ZSWIM5: variants seen among roughly 807,000 people sequenced by gnomAD.
ZSWIM5 encodes zinc finger SWIM-type containing 5.
In ZSWIM5, 55 loss-of-function variants were observed where a neutral mutation model predicts 119.6. The ratio of observed to expected loss-of-function variants is 0.46; its 90% CI spans 0.37 to 0.58. The LOEUF (loss-of-function observed/expected upper bound fraction) is 0.58, where lower values mean the gene tolerates loss of function less well. ZSWIM5 is among the 20% of genes least tolerant of loss of function. ZSWIM5 has a pLI of 0.00. For missense variants in ZSWIM5, 1,193 were observed against 1,512.8 expected, an observed-to-expected ratio of 0.79 and a Z score of 3.51; for synonymous variants, 537 against 606.9, an observed-to-expected ratio of 0.88 and a Z score of 1.69.
chr1:45,082,236 C>G (rs996757597), intron 2 of ZSWIM5, among the ~76,000 whole-genome samples: 1 of 151,014 alleles, frequency 6.6e-6, no homozygotes, highest in Non-Finnish European at 1.5e-5. Flanking sequence ...GACCTTTGTT[C>G]ACTTGTTTAT....
chr1:45,131,234 T>C (rs1645654684), intron 1 of ZSWIM5, among the ~76,000 whole-genome samples: 1 of 152,208 alleles, frequency 6.6e-6, no homozygotes, highest in Admixed American at 6.5e-5. Context: ...GGTGTTATCA[T>C]TGGGGGAAAT....
chr1:45,043,439 G>A, intron 5 of ZSWIM5, 44 bp from the exon 6 acceptor site: 4 of 1,598,298 alleles, frequency 2.5e-6, no homozygotes, highest in African/African-American at 1.3e-5. Context: ...CAGGCAATTT[G>A]AAGTTTTAAG....
chr1:45,156,180 T>C (rs1294968813), intron 1 of ZSWIM5, among the ~76,000 whole-genome samples: 4 of 152,032 alleles, frequency 2.6e-5, no homozygotes, highest in Non-Finnish European at 5.9e-5. Context: ...AGTGAATTAA[T>C]GCAGAAACAG....
In ZSWIM5 at chr1:45,106,808, A is replaced by G. The variant is rs1645482755; in HGVS notation, c.596-18571T>C. Among the ~76,000 whole-genome samples the G allele has an allele frequency of 2.0e-5, 3 of 152,206 alleles. No individual in the cohort carries two copies. In the South Asian group the frequency reaches 6.2e-4, roughly 31 times the overall value. On this transcript the variant is annotated intron_variant, in intron 1 of 13. Coordinates refer to ENST00000359600, the MANE Select transcript of ZSWIM5 (RefSeq NM_020883.2). ...TGTGGGGAAAAGAAAGAGAGATCAG[A>G]TTGTTACTGTGTCTGTGTAGAAAGA...
chr1:45,018,373 G>A lies in ZSWIM5; in HGVS notation c.*81C>T, dbSNP rs2148985318. The stretch of plus-strand genomic sequence containing the variant: ...CAGGTGCTCAGAGTTCTCTCAGGGT[G>A]GACAAATGTTTCAGTGCCCTTGGCC... On this transcript the variant is annotated 3_prime_UTR_variant, in exon 14 of 14. Transcript: ENST00000359600. This position sits in a 1 kb window ranked among gnomAD's most constrained non-coding sequence, Gnocchi z 6.7. 5.2e-6 allele frequency: 8 copies of A among 1,532,164 alleles called. No individual in the cohort carries two copies. The highest frequency in any genetic ancestry group is 2.3e-5 in the East Asian group (1 of 44,372). The allele number at this position is 1,532,164 out of a possible 1,614,324, so 94.9% of individuals were successfully genotyped here. A position where few individuals can be genotyped will look rare whatever the true frequency, so the allele number is the denominator to read the frequency against.
rs1490151186 is a variant in ZSWIM5 at position 45,017,245 on chromosome 1, C to T, written c.*1209G>A. On this transcript the variant is annotated 3_prime_UTR_variant, in exon 14 of 14. Coordinates refer to ENST00000359600, the MANE Select transcript of ZSWIM5 (RefSeq NM_020883.2). ...CCTCAAACATGAATACACAGACATCCCTACATGTAGAAATACGCTCAGTTA... is the reference window on the plus strand; with the variant it reads ...CCTCAAACATGAATACACAGACATCTCTACATGTAGAAATACGCTCAGTTA... 2 of 152,180 alleles carry T rather than the reference C, an allele frequency of 1.3e-5. No individual in the cohort carries two copies. The highest frequency in any genetic ancestry group is 1.9e-4 in the East Asian group (1 of 5,196). 9.4% of individuals were successfully genotyped at this position (152,180 alleles called of 1,614,324 possible).
rs564083702 is a variant in ZSWIM5, at chr1:45,046,392, A to T, written c.1433-2997T>A. ...CTGGATATATTTCAAAGATAAAGGC[A>T]ATATATTGGATTTGCTCATGGATTA... is the stretch of plus-strand genomic sequence containing the variant. On this transcript the variant is annotated intron_variant, in intron 5 of 13. Transcript: ENST00000359600. Among the ~76,000 whole-genome samples, 3 of 152,266 alleles carry T rather than the reference A, an allele frequency of 2.0e-5. No homozygotes were observed. In the South Asian group the frequency reaches 6.2e-4, roughly 32 times the overall value.
intron 2 of ZSWIM5, among the ~76,000 whole-genome samples, chr1:45,082,646 A>G (rs1250225226): frequency 6.6e-6 from 1 of 152,244 alleles, no homozygotes; most frequent in African/African-American, 2.4e-5. Context: ...AGCCTGTAGA[A>G]TACTATGGAA....
In ZSWIM5 at chr1:45,043,744, C is replaced by T. The variant is rs374462763; in HGVS notation, c.1433-349G>A. ...ATAGAAGAGGAGTAGTGGTGCTTAG[C>T]CACTCAGTCATGAAGACACAAACTG... On this transcript the variant is annotated intron_variant, in intron 5 of 13. Transcript: ENST00000359600. Among the ~76,000 whole-genome samples the T allele has an allele frequency of 3.3e-4, 50 of 152,260 alleles. 1 individual carries two copies. The highest frequency in any genetic ancestry group is 1.2e-3 in the African/African-American group (50 of 41,538).
Position 45,018,666 on chromosome 1 carries a change from T to C in ZSWIM5, c.3346A>G (p.Ile1116Val), listed in dbSNP as rs1407185536. Residue 1116 changes from isoleucine (I) to valine (V), a missense_variant, in exon 14 of 14, where the codon ATC (isoleucine) becomes GTC (valine). By Grantham distance (29) the Ile-to-Val change is conservative. Transcript: ENST00000359600. The surrounding 1 kb of genome is among the most constrained non-coding windows in gnomAD (Gnocchi z 6.7). Reference protein sequence around the residue: ...APLRQLLDATINAYINTTHSR... With the variant: ...APLRQLLDATVNAYINTTHSR... The stretch of plus-strand genomic sequence containing the variant: ...TGTGTAGTGTTGATATAGGCATTGA[T>C]GGTGGCATCCAGCAACTGGCGCAAT... The C allele has an allele frequency of 2.5e-6, 4 of 1,614,124 alleles. No homozygotes were observed. The African/African-American group carries it at 4.0e-5, about 16-fold the overall frequency.
chr1:45,045,446 G>A (rs999430408), intron 5 of ZSWIM5, among the ~76,000 whole-genome samples: 3 of 152,082 alleles, frequency 2.0e-5, no homozygotes, highest in African/African-American at 4.8e-5. Context: ...TCAACCATTC[G>A]GGAAAAGTCC....
At chr1:45,154,324 C>T (rs1645814658) in intron 1 of ZSWIM5, among the ~76,000 whole-genome samples, 2 of 152,104 alleles carry the variant, frequency 1.3e-5, no homozygotes. Flanking sequence ...AATTTGGAGG[C>T]ACCACATTAC....
intron 4 of ZSWIM5, among the ~76,000 whole-genome samples, chr1:45,052,513 T>C (rs372272148): frequency 2.0e-5 from 3 of 152,304 alleles, no homozygotes; most frequent in African/African-American, 7.2e-5. Context: ...CTCACACTTA[T>C]AATCCCAGCA....
chr1:45,020,938 A>C (rs1644883941), intron 11 of ZSWIM5, 150 bp from the exon 12 acceptor site: 1 of 883,152 alleles, frequency 1.1e-6, no homozygotes, highest in Non-Finnish European at 1.7e-6. Context: ...AGCTGTCTCC[A>C]CTAATCACAT....
chr1:45,062,855 G>A (rs546907824), intron 2 of ZSWIM5, among the ~76,000 whole-genome samples: 11 of 152,194 alleles, frequency 7.2e-5, no homozygotes, highest in East Asian at 5.8e-4. Flanking sequence ...GGGGATATAC[G>A]TACAGGTTTG....
At chr1:45,177,621 A>T (rs1645989296) in intron 1 of ZSWIM5, among the ~76,000 whole-genome samples, 1 of 152,062 alleles carries the variant, frequency 6.6e-6, no homozygotes, top group African/African-American at 2.4e-5. Context: ...ATTCGGGGAG[A>T]TTGAGCAATC....
At chr1:45,171,043 AT>A (rs1005074415) in intron 1 of ZSWIM5, among the ~76,000 whole-genome samples, 1 of 152,156 alleles carries the variant, frequency 6.6e-6, no homozygotes, top group Admixed American at 6.6e-5. Flanking sequence ...TCAAAAATAA[AT>A]CATACATTTT....
In ZSWIM5 at chr1:45,070,321, C is replaced by A. The variant is rs1026209773; in HGVS notation, c.953-10074G>T. 4.9e-6 allele frequency: 7 copies of A among 1,419,974 alleles called. No individual in the cohort carries two copies. In the African/African-American group the frequency reaches 8.5e-5, roughly 17 times the overall value. The allele number at this position is 1,419,974 out of a possible 1,614,324, so 88.0% of individuals were successfully genotyped here. A position where few individuals can be genotyped will look rare whatever the true frequency, so the allele number is the denominator to read the frequency against. On this transcript the variant is annotated intron_variant, in intron 2 of 13. Transcript: ENST00000359600. The stretch of plus-strand genomic sequence containing the variant: ...GTGATGAGGAAGTAAGACGCCACCA[C>A]CAGAGCATACACAGTCATGGCCAAC...
intron 1 of ZSWIM5, among the ~76,000 whole-genome samples, chr1:45,185,083 A>G (rs1413983373): frequency 6.6e-6 from 1 of 152,208 alleles, no homozygotes; most frequent in African/African-American, 2.4e-5. Flanking sequence ...CAGAGGCCTC[A>G]GAAATAACGC....
Sources: gnomAD v4.1 joint callset for allele counts (sites outside exome capture counted in the v4.1 genomes callset) on GRCh38, gnomAD v4.1.1 for gene constraint, Gnocchi (gnomAD v3.1) non-coding constraint, MANE v1.5 for transcripts, NCBI Gene and HGNC (gene_info 2026-07-23, HGNC 2026-07-21) for gene names.